Variants in RAB3GAP2 observed in about 807,000 individuals in gnomAD.
The protein encoded by RAB3GAP2 is RAB3 GTPase activating non-catalytic protein subunit 2, also known as rab3 GTPase-activating protein non-catalytic subunit.
Under a neutral mutation model 185.3 loss-of-function variants are expected in RAB3GAP2, and 87 were observed. That is an observed-to-expected ratio of 0.47 (90% CI 0.39 to 0.56). The LOEUF (loss-of-function observed/expected upper bound fraction) is 0.56, where lower values mean the gene tolerates loss of function less well. RAB3GAP2 is among the 20% of genes least tolerant of loss of function. RAB3GAP2 has a pLI of 0.00. For missense variants in RAB3GAP2, 1,492 were observed against 1,638.2 expected, an observed-to-expected ratio of 0.91 and a Z score of 1.54; for synonymous variants, 554 against 576.1, an observed-to-expected ratio of 0.96 and a Z score of 0.55.
chr1:220,223,089 C>A (rs1659337607), intron 2 of RAB3GAP2, among the ~76,000 whole-genome samples: 2 of 152,156 alleles, frequency 1.3e-5, no homozygotes, highest in South Asian at 4.1e-4. Flanking sequence ...GACGCCCAGG[C>A]TGGAGTGCAG....
At chr1:220,211,458 T>A (rs1255898732) in intron 4 of RAB3GAP2, 13 of 448,122 alleles carry the variant, frequency 2.9e-5, no homozygotes, top group Non-Finnish European at 4.0e-5. Context: ...ACATGCAAAC[T>A]GTATTTCTGC....
intron 26 of RAB3GAP2, among the ~76,000 whole-genome samples, chr1:220,166,301 T>G (rs746755549): frequency 6.6e-6 from 1 of 152,200 alleles, no homozygotes; most frequent in African/African-American, 2.4e-5. Flanking sequence ...TATATTAGCA[T>G]GAATTAGTTC....
At chr1:220,213,042 C>A in intron 3 of RAB3GAP2, 74 bp from the exon 4 acceptor site, 3 of 1,163,040 alleles carry the variant, frequency 2.6e-6, no homozygotes, top group South Asian at 1.5e-5. Context: ...AAATTTTGCT[C>A]TTTCCCCTTA....
chr1:220,201,843 C>T (rs1658865714), intron 9 of RAB3GAP2, among the ~76,000 whole-genome samples: 1 of 152,076 alleles, frequency 6.6e-6, no homozygotes, highest in African/African-American at 2.4e-5. Flanking sequence ...AACTAACTTC[C>T]AGATGTCTCA....
At chr1:220,225,148 T>C (rs947023169) in intron 2 of RAB3GAP2, among the ~76,000 whole-genome samples, 1 of 152,220 alleles carries the variant, frequency 6.6e-6, no homozygotes, top group Admixed American at 6.5e-5. Context: ...CTTAAGCATT[T>C]AGGCATAAAT....
intron 2 of RAB3GAP2, among the ~76,000 whole-genome samples, chr1:220,225,037 A>G (rs2102887977): frequency 6.6e-6 from 1 of 152,286 alleles, no homozygotes; most frequent in East Asian, 1.9e-4. Context: ...AAACTCACTT[A>G]ACAGAAGCTA....
intron 20 of RAB3GAP2, 99 bp from the exon 21 acceptor site, chr1:220,182,453 A>G: frequency 6.4e-7 from 1 of 1,551,566 alleles, no homozygotes; most frequent in Non-Finnish European, 8.7e-7. Context: ...GAAACAAAAC[A>G]TTATGAAGGA....
intron 1 of RAB3GAP2, among the ~76,000 whole-genome samples, chr1:220,243,281 G>C (rs1659732765): frequency 6.6e-6 from 1 of 151,236 alleles, no homozygotes; most frequent in Non-Finnish European, 1.5e-5. Flanking sequence ...GTGAACCTGG[G>C]AGGCAGAGCT....
At chr1:220,210,113 A>T (rs1428627325) in intron 7 of RAB3GAP2, among the ~76,000 whole-genome samples, 1 of 152,212 alleles carries the variant, frequency 6.6e-6, no homozygotes, top group Non-Finnish European at 1.5e-5. Context: ...CCTTCCCATT[A>T]TTAAATTCTA....
intron 4 of RAB3GAP2, among the ~76,000 whole-genome samples, chr1:220,212,266 T>C (rs1255292380): frequency 6.6e-6 from 1 of 152,170 alleles, no homozygotes; most frequent in Non-Finnish European, 1.5e-5. Flanking sequence ...CCTTGACTTT[T>C]TCAATGAATA....
At chr1:220,245,406 C>T (rs566960544) in intron 1 of RAB3GAP2, among the ~76,000 whole-genome samples, 8 of 152,310 alleles carry the variant, frequency 5.3e-5, no homozygotes, top group South Asian at 2.1e-4. Context: ...AAAGTGGTGA[C>T]GGAAGCACCT....
chr1:220,153,708 C>T (rs992266587), intron 32 of RAB3GAP2: 21 of 437,756 alleles, frequency 4.8e-5, no homozygotes, highest in Non-Finnish European at 7.9e-5. Context: ...CCCCTTAAGT[C>T]ATCATTTACA....
intron 21 of RAB3GAP2, among the ~76,000 whole-genome samples, chr1:220,178,848 G>A (rs1372924973): frequency 6.6e-6 from 1 of 152,102 alleles, no homozygotes; most frequent in Admixed American, 6.6e-5. Flanking sequence ...GACACAGAGT[G>A]AGCTGGGCAC....
At chr1:220,207,092 G>A (rs1658982159) in intron 7 of RAB3GAP2, among the ~76,000 whole-genome samples, 1 of 152,048 alleles carries the variant, frequency 6.6e-6, no homozygotes, top group Non-Finnish European at 1.5e-5. Flanking sequence ...GCAAATAATA[G>A]GCAGTAAAGA....
chr1:220,241,329 T>C (rs1450869656), intron 1 of RAB3GAP2, among the ~76,000 whole-genome samples: 1 of 152,076 alleles, frequency 6.6e-6, no homozygotes, highest in African/African-American at 2.4e-5. Flanking sequence ...CAAGTTCAAA[T>C]ACTAAATGAG....
intron 9 of RAB3GAP2, among the ~76,000 whole-genome samples, chr1:220,202,025 C>T (rs1448560742): frequency 2.0e-5 from 3 of 151,756 alleles, no homozygotes; most frequent in Admixed American, 1.3e-4. Flanking sequence ...ATCAGCCAGG[C>T]GGGGTGGCGC....
chr1:220,212,796 T>C, intron 4 of RAB3GAP2, 91 bp downstream of exon 4: 1 of 1,100,188 alleles, frequency 9.1e-7, no homozygotes, highest in East Asian at 2.5e-5. Flanking sequence ...CCCAATCAAA[T>C]AATGAAACTT....
At chr1:220,230,741 A>G (rs990281358) in intron 2 of RAB3GAP2, among the ~76,000 whole-genome samples, 4 of 152,218 alleles carry the variant, frequency 2.6e-5, no homozygotes, top group Non-Finnish European at 5.9e-5. Flanking sequence ...ATTTAAAAAT[A>G]TTAACAAAAG....
chr1:220,255,822 G>A (rs766844325), intron 1 of RAB3GAP2, among the ~76,000 whole-genome samples: 1 of 152,178 alleles, frequency 6.6e-6, no homozygotes, highest in Non-Finnish European at 1.5e-5. Flanking sequence ...GTACCTGAAA[G>A]AGATGGAGAG....
Sources: gnomAD v4.1 joint callset for allele counts (sites outside exome capture counted in the v4.1 genomes callset) on GRCh38, gnomAD v4.1.1 for gene constraint, MANE v1.5 for transcripts, NCBI Gene and HGNC (gene_info 2026-07-23, HGNC 2026-07-21) for gene names.